The following GSE1 variants were observed in gnomAD, a reference collection of about 807,000 sequenced individuals.
The protein encoded by GSE1 is genetic suppressor element 1.
Under a neutral mutation model 112.6 loss-of-function variants are expected in GSE1, and 32 were observed. That is an observed-to-expected ratio of 0.28 (90% CI 0.21 to 0.38). GSE1 has a LOEUF of 0.38. GSE1 is among the 10% of genes least tolerant of loss of function. The pLI, the probability that GSE1 is intolerant of heterozygous loss-of-function variation, is 1.00. For missense variants in GSE1, 2,348 were observed against 1,699.2 expected (o/e 1.38, Z -6.71); for synonymous variants, 1,115 against 735.6 (o/e 1.52, Z -8.35).
Position 85,357,853 on chromosome 16 carries a change from C to T in GSE1, c.2464+210C>T, listed in dbSNP as rs539984260. 1.4e-4 allele frequency among the ~76,000 whole-genome samples: 22 copies of T among 152,284 alleles called. No homozygotes were observed. The South Asian group carries it at 4.1e-3, about 29-fold the overall frequency. The stretch of plus-strand genomic sequence containing the variant: ...GGTTCCAAAACCGTAGTTTCATCAA[C>T]ATCCCTGGTTCTCGATACTCTCGCC... On this transcript the variant is annotated intron_variant, in intron 2 of 2. Transcript: ENST00000637419.
chr16:85,585,094 GAA>G (rs201267930), intron 1 of GSE1, among the ~76,000 whole-genome samples: 2 of 150,986 alleles, frequency 1.3e-5, no homozygotes, highest in South Asian at 4.2e-4. Context: ...TCTAAAAGGT[GAA>G]AAAAAAAGGC....
intron 1 of GSE1, chr16:85,283,628 T>G (rs1048375036): frequency 2.0e-5 from 3 of 152,004 alleles, no homozygotes; most frequent in Admixed American, 2.0e-4. Flanking sequence ...GCAGGCGGGG[T>G]TTGATGCACG....
chr16:85,368,955 G>A (rs973053387), intron 2 of GSE1, among the ~76,000 whole-genome samples: 10 of 152,176 alleles, frequency 6.6e-5, no homozygotes, highest in Admixed American at 3.9e-4. Flanking sequence ...GCTGTGAGTC[G>A]GGTGCTGTGT....
upstream of GSE1, chr16:85,554,787 G>A: frequency 5.6e-6 from 4 of 710,164 alleles, no homozygotes; most frequent in Non-Finnish European, 6.9e-6. Context: ...GGGGGGGAGG[G>A]AGGGAGGACG....
intron 1 of GSE1, among the ~76,000 whole-genome samples, chr16:85,201,527 C>G (rs1567607193): frequency 6.6e-6 from 1 of 151,972 alleles, no homozygotes. Flanking sequence ...TGGTAGGTGC[C>G]TGTAGTCCCA....
chr16:85,209,434 G>A (rs552491680), intron 1 of GSE1, among the ~76,000 whole-genome samples: 2 of 152,118 alleles, frequency 1.3e-5, no homozygotes, highest in African/African-American at 2.4e-5. Flanking sequence ...GGAACCTGCC[G>A]CATTCTGTTC....
At chr16:85,405,087 GC>G (rs554918732) in intron 2 of GSE1, among the ~76,000 whole-genome samples, 5 of 2,296 alleles carry the variant, frequency 2.2e-3, no homozygotes, top group East Asian at 0.024. Flanking sequence ...TACACTCAGG[GC>G]CCCCCCGGAT....
intron 1 of GSE1, among the ~76,000 whole-genome samples, chr16:85,558,590 C>T (rs939090423): frequency 2.0e-5 from 3 of 152,050 alleles, no homozygotes; most frequent in Admixed American, 6.5e-5. Context: ...GGAGGGGTGA[C>T]TTTTGTCCTG....
chr16:85,643,253 A>T (rs1289680638), intron 2 of GSE1, among the ~76,000 whole-genome samples: 1 of 152,084 alleles, frequency 6.6e-6, no homozygotes. Flanking sequence ...CTGGCTGAAT[A>T]CCGCCAGTTA....
chr16:85,293,978 C>G (rs2045293131), intron 1 of GSE1, among the ~76,000 whole-genome samples: 3 of 152,310 alleles, frequency 2.0e-5, no homozygotes, highest in Middle Eastern at 6.8e-3. Flanking sequence ...CAATGCCAAC[C>G]CAGCATGATG....
At chr16:85,225,331 G>A (rs2049371406) in intron 1 of GSE1, among the ~76,000 whole-genome samples, 1 of 152,108 alleles carries the variant, frequency 6.6e-6, no homozygotes, top group Non-Finnish European at 1.5e-5. Context: ...GGCCAGGAGA[G>A]GGGTGTTCCT....
At chr16:85,380,005 A>T (rs1337676506) in intron 2 of GSE1, among the ~76,000 whole-genome samples, 1 of 152,188 alleles carries the variant, frequency 6.6e-6, no homozygotes, top group Non-Finnish European at 1.5e-5. Context: ...TAATTTCCAA[A>T]TCCAAGGACA....
intron 1 of GSE1, chr16:85,286,073 C>T (rs1205288349): frequency 6.6e-6 from 1 of 152,348 alleles, no homozygotes; most frequent in African/African-American, 2.4e-5. Flanking sequence ...GCCTGCAGCC[C>T]CTCCCCGGTC....
At chr16:85,497,746 C>T (rs945474077) in intron 2 of GSE1, among the ~76,000 whole-genome samples, 9 of 152,150 alleles carry the variant, frequency 5.9e-5, no homozygotes, top group African/African-American at 2.2e-4. Context: ...ACACAACCAG[C>T]ACTTTCTTCA....
At chr16:85,366,041 C>T (rs921848144) in intron 2 of GSE1, among the ~76,000 whole-genome samples, 1 of 152,282 alleles carries the variant, frequency 6.6e-6, no homozygotes, top group African/African-American at 2.4e-5. Context: ...CCACCAGAAA[C>T]CCTGGCCCTG....
chr16:85,539,477 C>T (rs1269072187), intron 2 of GSE1, among the ~76,000 whole-genome samples: 1 of 152,206 alleles, frequency 6.6e-6, no homozygotes, highest in Non-Finnish European at 1.5e-5. Context: ...GAAAGAATCC[C>T]TGGTACAGGC....
At chr16:85,571,747 C>T (rs192099848) in intron 1 of GSE1, among the ~76,000 whole-genome samples, 20 of 152,264 alleles carry the variant, frequency 1.3e-4, no homozygotes, top group African/African-American at 3.1e-4. Flanking sequence ...GAGGCAGAGG[C>T]GTGGGGGCAG....
intron 1 of GSE1, among the ~76,000 whole-genome samples, chr16:85,192,010 A>G (rs1243627150): frequency 6.6e-6 from 1 of 152,222 alleles, no homozygotes; most frequent in Non-Finnish European, 1.5e-5. Context: ...TAAGCTATTC[A>G]TGTTGAAAAT....
chr16:85,586,436 C>T (rs553910963), intron 1 of GSE1, among the ~76,000 whole-genome samples: 20 of 152,330 alleles, frequency 1.3e-4, no homozygotes, highest in African/African-American at 4.6e-4. Flanking sequence ...TCTCTGATCT[C>T]GCCTTCCCAT....
Sources: allele counts gnomAD v4.1 joint callset (sites outside exome capture counted in the v4.1 genomes callset), GRCh38; gene constraint gnomAD v4.1.1; transcripts MANE v1.5; gene names NCBI Gene and HGNC (gene_info 2026-07-23, HGNC 2026-07-21).